LINGO1: variants seen among roughly 807,000 people sequenced by gnomAD.
LINGO1 encodes the protein leucine-rich repeat and immunoglobulin-like domain-containing nogo receptor-interacting protein 1.
Under a neutral mutation model 37.3 loss-of-function variants are expected in LINGO1, and 11 were observed. The observed-to-expected ratio is 0.29, with a 90% CI of 0.19 to 0.49. LINGO1 has a LOEUF of 0.49. Among genes scored for constraint, LINGO1 ranks in the 20% least tolerant of loss-of-function variants. The probability of loss-of-function intolerance (pLI) is 0.99; values close to 1 mark genes in which losing one functional copy is unlikely to be tolerated. For synonymous variants in LINGO1, 387 were observed against 403.0 expected (o/e 0.96, Z 0.48); for missense variants, 585 against 878.2 (o/e 0.67, Z 4.22).
chr15:77,699,645 T>G (rs935863064), upstream of LINGO1, among the ~76,000 whole-genome samples: 1 of 41,940 alleles, frequency 2.4e-5, no homozygotes, highest in Admixed American at 2.5e-4. Flanking sequence ...ATACTAACCA[T>G]CATCTGCATA....
intron 1 of LINGO1, among the ~76,000 whole-genome samples, chr15:77,781,235 T>A (rs2076713977): frequency 6.6e-6 from 1 of 152,256 alleles, no homozygotes; most frequent in South Asian, 2.1e-4. Context: ...TTCTGGCTCC[T>A]GAGCACTGGA....
chr15:77,678,187 A>G (rs1567515103), intron 2 of LINGO1, among the ~76,000 whole-genome samples: 1 of 152,254 alleles, frequency 6.6e-6, no homozygotes, highest in Non-Finnish European at 1.5e-5. Flanking sequence ...TTATTGAGGT[A>G]TAATTACCCC....
chr15:77,684,450 G>A (rs2075469473), intron 2 of LINGO1, among the ~76,000 whole-genome samples: 1 of 152,206 alleles, frequency 6.6e-6, no homozygotes, highest in African/African-American at 2.4e-5. Flanking sequence ...GGCACACAGG[G>A]CTGGAAACTC....
chr15:77,715,282 C>T (rs1203334502), intron 2 of LINGO1, among the ~76,000 whole-genome samples: 1 of 152,228 alleles, frequency 6.6e-6, no homozygotes, highest in East Asian at 1.9e-4. Flanking sequence ...CAGGGCTGAG[C>T]AGGGCGTGGC....
chr15:77,709,040 A>C (rs2075886890), intron 2 of LINGO1, among the ~76,000 whole-genome samples: 1 of 152,218 alleles, frequency 6.6e-6, no homozygotes, highest in Admixed American at 6.5e-5. Flanking sequence ...AGGAGCCAGA[A>C]GAGGCCAGGA....
chr15:77,771,580 C>T (rs1312042245), intron 1 of LINGO1, among the ~76,000 whole-genome samples: 1 of 152,218 alleles, frequency 6.6e-6, no homozygotes, highest in Non-Finnish European at 1.5e-5. Context: ...GGAAAGAAGC[C>T]TCCAACCTGG....
chr15:77,805,720 ATTTCCTCCATGCG>A (rs1343262374), intron 1 of LINGO1, among the ~76,000 whole-genome samples: 2 of 152,192 alleles, frequency 1.3e-5, no homozygotes, highest in Admixed American at 6.5e-5. Flanking sequence ...AGCTCCATGC[ATTTCCTCCATGCG>A]TTTCCTGCCG....
chr15:77,813,293 C>G (rs957627326), intron 1 of LINGO1, among the ~76,000 whole-genome samples: 3 of 151,974 alleles, frequency 2.0e-5, no homozygotes, highest in Non-Finnish European at 2.9e-5. Context: ...TCTCCACGGA[C>G]AGGGATGGGG....
At chr15:77,748,894 TCC>T (rs2076341893) in intron 1 of LINGO1, among the ~76,000 whole-genome samples, 1 of 122,012 alleles carries the variant, frequency 8.2e-6, no homozygotes, top group African/African-American at 3.1e-5. Flanking sequence ...TTATTTATTT[TCC>T]TTCCTTCCTT....
At chr15:77,643,123 T>C (rs993076945) in intron 3 of LINGO1, among the ~76,000 whole-genome samples, 1 of 152,234 alleles carries the variant, frequency 6.6e-6, no homozygotes, top group South Asian at 2.1e-4. Flanking sequence ...CCCCGTGCCC[T>C]GGACACCTGC....
intron 2 of LINGO1, among the ~76,000 whole-genome samples, chr15:77,714,106 T>C (rs2075954361): frequency 6.6e-6 from 1 of 151,980 alleles, no homozygotes; most frequent in Admixed American, 6.6e-5. Context: ...AAGGAGGTGG[T>C]CAAAAACGAA....
At chr15:77,683,938 C>T (rs1052519029) in intron 2 of LINGO1, among the ~76,000 whole-genome samples, 1 of 152,172 alleles carries the variant, frequency 6.6e-6, no homozygotes, top group African/African-American at 2.4e-5. Flanking sequence ...GACACAGCCT[C>T]TGGGCAACCC....
At chr15:77,762,120 T>C (rs1253354983) in intron 1 of LINGO1, among the ~76,000 whole-genome samples, 1 of 152,124 alleles carries the variant, frequency 6.6e-6, no homozygotes, top group Non-Finnish European at 1.5e-5. Context: ...TCCTGGTACT[T>C]GAGGGTGAAA....
intron 1 of LINGO1, among the ~76,000 whole-genome samples, chr15:77,777,187 G>A (rs2076664836): frequency 6.6e-6 from 1 of 152,182 alleles, no homozygotes; most frequent in African/African-American, 2.4e-5. Flanking sequence ...GGGATAGTGA[G>A]GATCAAATAT....
chr15:77,624,355 A>C (rs913814389), intron 1 of LINGO1, among the ~76,000 whole-genome samples: 1 of 151,932 alleles, frequency 6.6e-6, no homozygotes, highest in Admixed American at 6.6e-5. Flanking sequence ...CACTGGCCTC[A>C]GTGCCTGCTG....
intron 2 of LINGO1, among the ~76,000 whole-genome samples, chr15:77,725,655 CAG>C (rs2076095036): frequency 6.6e-6 from 1 of 152,172 alleles, no homozygotes; most frequent in Non-Finnish European, 1.5e-5. Context: ...GATGGAGAAA[CAG>C]AGGCACAGGG....
At chr15:77,783,802 G>A (rs2076744932) in intron 1 of LINGO1, among the ~76,000 whole-genome samples, 1 of 152,214 alleles carries the variant, frequency 6.6e-6, no homozygotes, top group South Asian at 2.1e-4. Flanking sequence ...CCAAATCCAG[G>A]CTCGCCTGAC....
intron 1 of LINGO1, 61 bp from the exon 2 acceptor site, chr15:77,615,961 G>T: frequency 8.5e-7 from 1 of 1,175,348 alleles, no homozygotes; most frequent in Non-Finnish European, 1.2e-6. Flanking sequence ...GTGTCTGGAT[G>T]CCACCCCAAG....
upstream of LINGO1, among the ~76,000 whole-genome samples, chr15:77,791,741 G>A (rs1483632569): frequency 6.6e-6 from 1 of 152,074 alleles, no homozygotes; most frequent in East Asian, 1.9e-4. Context: ...AAGGGTGAGA[G>A]GATTAGGCCT....
Sources: gnomAD v4.1 joint callset for allele counts (sites outside exome capture counted in the v4.1 genomes callset) on GRCh38, gnomAD v4.1.1 for gene constraint, MANE v1.5 for transcripts, NCBI Gene and HGNC (gene_info 2026-07-23, HGNC 2026-07-21) for gene names.